CELSR1: variants seen among roughly 807,000 people sequenced by gnomAD.
CELSR1 encodes adhesion G protein-coupled receptor C1.
A neutral mutation model predicts 249.1 loss-of-function variants in CELSR1; 110 were observed. That is an observed-to-expected ratio of 0.44 (90% CI 0.38 to 0.52). CELSR1 has a LOEUF of 0.52. Ranked by LOEUF, CELSR1 falls within the 20% of genes least tolerant of loss-of-function variation. The pLI, the probability that CELSR1 is intolerant of heterozygous loss-of-function variation, is 0.00. For synonymous variants in CELSR1, 2,113 were observed against 1,900.0 expected, an observed-to-expected ratio of 1.11 and a Z score of -2.92; for missense variants, 4,109 against 4,296.4, an observed-to-expected ratio of 0.96 and a Z score of 1.22.
chr22:46,453,193 C>T (rs992296297), intron 2 of CELSR1, among the ~76,000 whole-genome samples: 1 of 152,190 alleles, frequency 6.6e-6, no homozygotes, highest in Non-Finnish European at 1.5e-5. Context: ...GGCAGCTGTG[C>T]ACAGCAGGGC....
intron 5 of CELSR1, among the ~76,000 whole-genome samples, chr22:46,432,624 C>A (rs1048162866): frequency 6.6e-6 from 1 of 152,222 alleles, no homozygotes; most frequent in Non-Finnish European, 1.5e-5. Context: ...TACAAGCCAA[C>A]GAACAGCAAA....
chr22:46,408,498 AT>A lies in CELSR1; in HGVS notation c.5226+497del, dbSNP rs1021619631. Among the ~76,000 whole-genome samples the A allele has an allele frequency of 4.6e-5, 7 of 152,060 alleles. No homozygotes were observed. Among genetic ancestry groups the A allele is most frequent in the East Asian group, 1.9e-4 (1 of 5,174 alleles). On this transcript the variant is annotated intron_variant, in intron 9 of 34. Transcript: ENST00000674500. This position sits in a 1 kb window ranked among gnomAD's most constrained non-coding sequence, Gnocchi z 4.6. ...AGGCCCCCACTACCAAGCCTGGCTA[AT>A]TTTTTTTGTATTTTTAGTAGAGATG... is the stretch of plus-strand genomic sequence containing the variant.
At chr22:46,515,774 C>T (rs532789245) in intron 1 of CELSR1, among the ~76,000 whole-genome samples, 114 of 152,308 alleles carry the variant, frequency 7.5e-4, no homozygotes, top group African/African-American at 2.1e-3. Flanking sequence ...AAGGCAGCCC[C>T]GGCAGGAGGA....
chr22:46,424,840 T>C (rs1362001156), intron 5 of CELSR1, among the ~76,000 whole-genome samples: 1 of 152,124 alleles, frequency 6.6e-6, no homozygotes, highest in African/African-American at 2.4e-5. Context: ...AGCATGGTGG[T>C]GTGTGCCTGC....
chr22:46,428,276 A>G lies in CELSR1; in HGVS notation c.4611+5117T>C, dbSNP rs1407417685. On this transcript the variant is annotated intron_variant, in intron 5 of 34. Transcript: ENST00000674500. This position sits in a 1 kb window ranked among gnomAD's most constrained non-coding sequence, Gnocchi z 5.7. The stretch of plus-strand genomic sequence containing the variant: ...GCCAAATTGCCGAGGCAGAGTCCCA[A>G]GGACTCCAGCAGCCAGCTCAGGCAT... Among the ~76,000 whole-genome samples the G allele has an allele frequency of 6.6e-6, 1 of 152,232 alleles. No individual in the cohort carries two copies. The highest frequency in any genetic ancestry group is 1.5e-5 in the Non-Finnish European group (1 of 68,038).
rs556929291 is a variant in CELSR1, at chr22:46,419,606, C to G, written c.4612-7847G>C. ...AGTAGCCTGAGTGTCCCGGGAAAAA[C>G]AGGAGAAAACTTCAGGAAGGATGGC... On this transcript the variant is annotated intron_variant, in intron 5 of 34. Coordinates refer to ENST00000674500, the MANE Select transcript of CELSR1 (RefSeq NM_001378328.1). Among the ~76,000 whole-genome samples the G allele has an allele frequency of 2.7e-3, 407 of 152,334 alleles. 5 individuals are homozygous for G. Among genetic ancestry groups the G allele is most frequent in the African/African-American group, 9.3e-3 (388 of 41,576 alleles).
intron 24 of CELSR1, among the ~76,000 whole-genome samples, chr22:46,375,210 CAG>C (rs1223530643): frequency 6.6e-6 from 1 of 152,188 alleles, no homozygotes; most frequent in Non-Finnish European, 1.5e-5. Flanking sequence ...AGGGCCGGTC[CAG>C]CCCCACAGAC....
rs2079660333 is a variant in CELSR1, at chr22:46,436,305, G to A, written c.4407-16C>T. 2 of 1,603,310 alleles carry A rather than the reference G, an allele frequency of 1.2e-6. No homozygotes were observed. Among genetic ancestry groups the A allele is most frequent in the East Asian group, 2.2e-5 (1 of 44,804 alleles). ...AGTGGCAAACCTGTGGGGCCAAGCA[G>A]AGGCACATCACAGGATGAAGACCCC... On this transcript the variant is annotated splice_polypyrimidine_tract_variant and intron_variant, in intron 3 of 34. Coordinates refer to ENST00000674500, the MANE Select transcript of CELSR1 (RefSeq NM_001378328.1). This position sits in a 1 kb window ranked among gnomAD's most constrained non-coding sequence, Gnocchi z 5.9.
chr22:46,420,532 C>T (rs534827711), intron 5 of CELSR1, among the ~76,000 whole-genome samples: 6 of 152,234 alleles, frequency 3.9e-5, no homozygotes, highest in Non-Finnish European at 5.9e-5. Context: ...TTCATACTTG[C>T]ATGTGCACAC....
At position 46,381,076 on chromosome 22, in the gene CELSR1, C is replaced by A; in HGVS notation, c.7089-121G>T. The A allele has an allele frequency of 9.1e-7, 1 of 1,104,180 alleles. No homozygotes were observed. Among genetic ancestry groups the A allele is most frequent in the South Asian group, 1.5e-5 (1 of 65,186 alleles). The allele number at this position is 1,104,180 out of a possible 1,614,324, so 68.4% of individuals were successfully genotyped here. On this transcript the variant is annotated intron_variant, in intron 21 of 34. Coordinates refer to ENST00000674500, the MANE Select transcript of CELSR1 (RefSeq NM_001378328.1). This position sits in a 1 kb window ranked among gnomAD's most constrained non-coding sequence, Gnocchi z 6.0. ...TTTCTAGGGGAGACAGAATCACACT[C>A]CGAGAGCTCGGACCCACGGACCCCA...
intron 20 of CELSR1, among the ~76,000 whole-genome samples, chr22:46,383,720 G>A (rs2079003306): frequency 1.3e-5 from 2 of 152,044 alleles, no homozygotes; most frequent in Admixed American, 6.6e-5. Context: ...TAGTAGAGAT[G>A]GAGTTTCTCT....
rs190229257 is a variant in CELSR1 at position 46,457,380 on chromosome 22, G to A, written c.4183+6327C>T. On this transcript the variant is annotated intron_variant, in intron 2 of 34. Coordinates refer to ENST00000674500, the MANE Select transcript of CELSR1 (RefSeq NM_001378328.1). ...AAAAGATTATTCTCGCAGCCCCTGGGGTCCTAAAAGCAGGTGATCAAGAAT... is the reference window on the plus strand; with the variant it reads ...AAAAGATTATTCTCGCAGCCCCTGGAGTCCTAAAAGCAGGTGATCAAGAAT... 5.6e-3 allele frequency among the ~76,000 whole-genome samples: 857 copies of A among 152,090 alleles called. 3 individuals are homozygous for A. The highest frequency in any genetic ancestry group is 0.01 in the Non-Finnish European group (685 of 67,974).
intron 25 of CELSR1, among the ~76,000 whole-genome samples, chr22:46,370,839 C>T (rs1422708236): frequency 1.3e-5 from 2 of 152,162 alleles, no homozygotes; most frequent in South Asian, 2.1e-4. Flanking sequence ...TGAGGCTCCC[C>T]GGGAGTTATT....
intron 19 of CELSR1, among the ~76,000 whole-genome samples, chr22:46,385,975 C>CT (rs562430150): frequency 0.061 from 8,358 of 137,660 alleles, 322 homozygotes; most frequent in Non-Finnish European, 0.09. Context: ...CCGCGCCCGG[C>CT]TTTTTTTTTT....
Position 46,517,864 on chromosome 22 carries a change from C to T in CELSR1, c.3544+15763G>A, listed in dbSNP as rs2080644278. On this transcript the variant is annotated intron_variant, in intron 1 of 34. Coordinates refer to ENST00000674500, the MANE Select transcript of CELSR1 (RefSeq NM_001378328.1). The surrounding 1 kb of genome is among the most constrained non-coding windows in gnomAD (Gnocchi z 5.4). ...GAAAGCACCCACCACCCTGTGTCCCCATATTCTGTTTATTACACACCTCCC... is the reference window on the plus strand; with the variant it reads ...GAAAGCACCCACCACCCTGTGTCCCTATATTCTGTTTATTACACACCTCCC... 6.6e-6 allele frequency among the ~76,000 whole-genome samples: 1 copy of T among 151,064 alleles called. No homozygotes were observed. Among genetic ancestry groups the T allele is most frequent in the East Asian group, 2.0e-4 (1 of 5,128 alleles).
intron 28 of CELSR1, among the ~76,000 whole-genome samples, chr22:46,367,422 G>C (rs546730974): frequency 6.6e-6 from 1 of 152,236 alleles, no homozygotes; most frequent in Non-Finnish European, 1.5e-5. Context: ...GGTCCCCACT[G>C]TGTCGTAAGT....
At chr22:46,369,075 A>G (rs2078820450) in intron 27 of CELSR1, 104 bp downstream of exon 27, 8 of 987,896 alleles carry the variant, frequency 8.1e-6, no homozygotes, top group Non-Finnish European at 1.2e-5. Context: ...GCCCTCCTCC[A>G]TGAGGCCTAC....
intron 5 of CELSR1, among the ~76,000 whole-genome samples, chr22:46,425,564 A>T (rs955553793): frequency 6.6e-6 from 1 of 152,196 alleles, no homozygotes; most frequent in South Asian, 2.1e-4. Flanking sequence ...AAATGTACAC[A>T]TGTAGAGTTC....
intron 20 of CELSR1, 69 bp from the exon 21 acceptor site, chr22:46,382,119 C>A: frequency 7.3e-7 from 1 of 1,376,892 alleles, no homozygotes; most frequent in Non-Finnish European, 9.6e-7. Flanking sequence ...CCGTCAGTGC[C>A]AGCAGGTGCT....
Sources: gnomAD v4.1 joint callset for allele counts (sites outside exome capture counted in the v4.1 genomes callset) on GRCh38, gnomAD v4.1.1 for gene constraint, Gnocchi (gnomAD v3.1) non-coding constraint, MANE v1.5 for transcripts, NCBI Gene and HGNC (gene_info 2026-07-23, HGNC 2026-07-21) for gene names.